SLC71A2: variants seen among roughly 807,000 people sequenced by gnomAD.
The protein encoded by SLC71A2 is solute carrier family 71 member 2, also known as hippocampus abundant transcript-like 1.
the SLC71A2 span, among the ~76,000 whole-genome samples, chr9:94,410,364 A>C: frequency 5.3e-5 from 8 of 151,934 alleles, no homozygotes; most frequent in Admixed American, 2.0e-4. Context: ...GAGCCTCACA[A>C]AGTGCCAGGA....
the SLC71A2 span, among the ~76,000 whole-genome samples, chr9:94,429,776 C>T: frequency 6.6e-6 from 1 of 152,040 alleles, no homozygotes; most frequent in Non-Finnish European, 1.5e-5. Flanking sequence ...AGCGGTGCTG[C>T]ATTTACTCCA....
At chr9:94,385,569 G>A in the SLC71A2 span, among the ~76,000 whole-genome samples, 72,206 of 151,482 alleles carry the variant, frequency 0.48, 17,432 homozygotes, top group East Asian at 0.6. Context: ...TAGGGGTCCA[G>A]CTTTACTCTT....
At chr9:94,433,151 C>T in the SLC71A2 span, 1 of 268,238 alleles carries the variant, frequency 3.7e-6, no homozygotes. Context: ...GCTTGCCGTG[C>T]AGGCCAGGCC....
At chr9:94,400,880 C>T in the SLC71A2 span, among the ~76,000 whole-genome samples, 1 of 152,178 alleles carries the variant, frequency 6.6e-6, no homozygotes, top group Non-Finnish European at 1.5e-5. Context: ...TAACCCTACC[C>T]TCCAACTCCA....
chr9:94,444,058 G>A, the SLC71A2 span, among the ~76,000 whole-genome samples: 1 of 152,164 alleles, frequency 6.6e-6, no homozygotes, highest in Non-Finnish European at 1.5e-5. Flanking sequence ...GATGATGGAT[G>A]AAAAAGAATT....
the SLC71A2 span, among the ~76,000 whole-genome samples, chr9:94,408,733 C>T: frequency 6.7e-6 from 1 of 149,132 alleles, no homozygotes; most frequent in African/African-American, 2.5e-5. Context: ...TTCAGGTCTT[C>T]TGTTTTCTTG....
At chr9:94,384,015 G>A in the SLC71A2 span, among the ~76,000 whole-genome samples, 1 of 152,142 alleles carries the variant, frequency 6.6e-6, no homozygotes, top group Non-Finnish European at 1.5e-5. Flanking sequence ...AATACACATA[G>A]CAAAGAAGTT....
the SLC71A2 span, among the ~76,000 whole-genome samples, chr9:94,411,827 G>A: frequency 2.0e-5 from 3 of 152,130 alleles, no homozygotes; most frequent in Non-Finnish European, 4.4e-5. Flanking sequence ...CTGACCTCAA[G>A]TGATCCGCCT....
At chr9:94,454,083 C>G in the SLC71A2 span, 1 of 1,580,006 alleles carries the variant, frequency 6.3e-7, no homozygotes, top group Non-Finnish European at 8.7e-7. Flanking sequence ...AAGCCTCACT[C>G]TTAGATTCTC....
chr9:94,459,127 T>G, the SLC71A2 span: 1 of 1,604,040 alleles, frequency 6.2e-7, no homozygotes, highest in Non-Finnish European at 8.5e-7. Flanking sequence ...ACTAACTGTA[T>G]TCTTTGTCTC....
the SLC71A2 span, among the ~76,000 whole-genome samples, chr9:94,445,563 T>C: frequency 6.6e-6 from 1 of 152,214 alleles, no homozygotes; most frequent in Non-Finnish European, 1.5e-5. Context: ...TGAGTTATTT[T>C]AATTTTGACC....
the SLC71A2 span, among the ~76,000 whole-genome samples, chr9:94,431,039 G>A: frequency 1.4e-4 from 22 of 152,168 alleles, no homozygotes; most frequent in African/African-American, 3.1e-4. Context: ...AAGGCTGCAC[G>A]CGGTGGCTCA....
chr9:94,386,372 G>A, the SLC71A2 span, among the ~76,000 whole-genome samples: 1 of 150,988 alleles, frequency 6.6e-6, no homozygotes, highest in Non-Finnish European at 1.5e-5. Flanking sequence ...ACTCAGGCAA[G>A]GTTTTCCTGA....
the SLC71A2 span, among the ~76,000 whole-genome samples, chr9:94,437,978 G>T: frequency 1.3e-5 from 2 of 151,576 alleles, no homozygotes; most frequent in Admixed American, 1.3e-4. Flanking sequence ...GCCCAGCCTA[G>T]AGTACAAAGG....
chr9:94,390,394 G>A, the SLC71A2 span, among the ~76,000 whole-genome samples: 2 of 149,940 alleles, frequency 1.3e-5, no homozygotes, highest in African/African-American at 2.5e-5. Context: ...TGAATTGAAG[G>A]TGTTGCCAGG....
At chr9:94,393,979 G>T in the SLC71A2 span, among the ~76,000 whole-genome samples, 1 of 123,656 alleles carries the variant, frequency 8.1e-6, no homozygotes, top group Non-Finnish European at 1.7e-5. Context: ...TGAATGAATC[G>T]TTTGGAGTTG....
the SLC71A2 span, among the ~76,000 whole-genome samples, chr9:94,409,160 GC>G: frequency 6.0e-5 from 4 of 66,618 alleles, no homozygotes; most frequent in African/African-American, 2.3e-4. Context: ...TTTTTTTAAG[GC>G]AAGGTTTCAC....
At chr9:94,435,351 C>G in the SLC71A2 span, among the ~76,000 whole-genome samples, 7 of 152,212 alleles carry the variant, frequency 4.6e-5, no homozygotes, top group Admixed American at 4.6e-4. Context: ...ACCTCCTCTC[C>G]TGTTTCTAAG....
the SLC71A2 span, chr9:94,441,080 G>A: frequency 1.3e-5 from 21 of 1,600,694 alleles, no homozygotes; most frequent in East Asian, 8.9e-5. Context: ...GAGCACGAGC[G>A]AAGTACAGCT....
Sources: gnomAD v4.1 joint callset for allele counts (sites outside exome capture counted in the v4.1 genomes callset) on GRCh38, gnomAD v4.1.1 for gene constraint, MANE v1.5 for transcripts, NCBI Gene and HGNC (gene_info 2026-07-23, HGNC 2026-07-21) for gene names.